Variants in DNAJC13 observed in about 807,000 individuals in gnomAD.
DNAJC13 encodes the protein DnaJ heat shock protein family (Hsp40) member C13.
Under a neutral mutation model 290.5 loss-of-function variants are expected in DNAJC13, and 75 were observed. The observed-to-expected ratio is 0.26, with a 90% confidence interval of 0.21 to 0.31. The LOEUF (loss-of-function observed/expected upper bound fraction) is 0.31, where lower values mean the gene tolerates loss of function less well. DNAJC13 is among the 10% of genes least tolerant of loss of function. The pLI is 1.00. For synonymous variants in DNAJC13, 862 were observed against 892.0 expected, an observed-to-expected ratio of 0.97 and a Z score of 0.60; for missense variants, 2,260 against 2,674.5, an observed-to-expected ratio of 0.85 and a Z score of 3.42.
chr3:132,512,763 C>T (rs951349650), intron 44 of DNAJC13, among the ~76,000 whole-genome samples: 1 of 152,054 alleles, frequency 6.6e-6, no homozygotes, highest in South Asian at 2.1e-4. Flanking sequence ...AAGGTCTTAG[C>T]CTGAGGGTTA....
intron 36 of DNAJC13, among the ~76,000 whole-genome samples, chr3:132,498,807 C>T (rs1576501810): frequency 6.6e-6 from 1 of 152,114 alleles, no homozygotes; most frequent in African/African-American, 2.4e-5. Context: ...GCTCCACCTC[C>T]CGGGTTCACA....
At chr3:132,469,128 T>C (rs937202784) in intron 20 of DNAJC13, among the ~76,000 whole-genome samples, 23 of 152,222 alleles carry the variant, frequency 1.5e-4, no homozygotes, top group African/African-American at 5.3e-4. Context: ...AGAAGATCTT[T>C]TGGTTAGCAT....
At chr3:132,486,798 C>G (rs1313363570) in intron 29 of DNAJC13, among the ~76,000 whole-genome samples, 2 of 152,106 alleles carry the variant, frequency 1.3e-5, no homozygotes, top group Non-Finnish European at 2.9e-5. Flanking sequence ...TCTGATAGAG[C>G]TTCAGAATTT....
chr3:132,453,190 C>G, intron 6 of DNAJC13, 108 bp from the exon 7 acceptor site: 2 of 987,620 alleles, frequency 2.0e-6, no homozygotes, highest in Non-Finnish European at 2.9e-6. Flanking sequence ...ATACCTACCT[C>G]TTTTTTCTCT....
chr3:132,468,974 T>A (rs1412380374), intron 20 of DNAJC13, among the ~76,000 whole-genome samples: 2 of 152,188 alleles, frequency 1.3e-5, no homozygotes, highest in Non-Finnish European at 2.9e-5. Context: ...TAGCTAAAAC[T>A]ATGGATAAAA....
chr3:132,433,726 G>T (rs1008916275), intron 1 of DNAJC13, among the ~76,000 whole-genome samples: 3 of 152,142 alleles, frequency 2.0e-5, no homozygotes, highest in Admixed American at 6.5e-5. Flanking sequence ...GTGTGCCATG[G>T]CATTATTTGG....
chr3:132,471,286 C>T (rs1418318785), intron 20 of DNAJC13, among the ~76,000 whole-genome samples: 4 of 135,796 alleles, frequency 2.9e-5, no homozygotes, highest in South Asian at 2.4e-4. Context: ...GCTGGCCGGT[C>T]GGGGGGGCTG....
intron 7 of DNAJC13, 23 bp from the exon 8 acceptor site, chr3:132,453,576 T>C (rs761262838): frequency 2.5e-6 from 4 of 1,606,474 alleles, no homozygotes; most frequent in African/African-American, 1.3e-5. Context: ...CTTCTTAATA[T>C]GTCTCAATTT....
intron 2 of DNAJC13, among the ~76,000 whole-genome samples, chr3:132,437,238 T>C (rs541472628): frequency 6.6e-6 from 1 of 152,368 alleles, no homozygotes; most frequent in Non-Finnish European, 1.5e-5. Flanking sequence ...GAGTTCTTTA[T>C]ATATTCTGAA....
chr3:132,485,955 A>G (rs945834806), intron 29 of DNAJC13, among the ~76,000 whole-genome samples: 1 of 152,124 alleles, frequency 6.6e-6, no homozygotes, highest in Non-Finnish European at 1.5e-5. Context: ...TCAGTTGTAC[A>G]TTGGTCTGCA....
chr3:132,511,332 G>A, intron 44 of DNAJC13, 88 bp downstream of exon 44: 1 of 1,439,316 alleles, frequency 6.9e-7, no homozygotes, highest in Non-Finnish European at 9.5e-7. Context: ...GGAAACTCAG[G>A]GAAAATTATA....
chr3:132,474,263 T>C (rs1163015572), intron 21 of DNAJC13: 2 of 152,254 alleles, frequency 1.3e-5, no homozygotes, highest in Non-Finnish European at 2.9e-5. Context: ...TTTTTTGAGA[T>C]GGAGTCTCAC....
chr3:132,484,527 G>T, intron 28 of DNAJC13, 61 bp from the exon 29 acceptor site: 1 of 1,491,376 alleles, frequency 6.7e-7, no homozygotes, highest in Non-Finnish European at 9.3e-7. Flanking sequence ...AATGTCGTAT[G>T]CTCTGAACAT....
At chr3:132,476,240 G>GT (rs771226253) in intron 22 of DNAJC13, among the ~76,000 whole-genome samples, 6 of 152,256 alleles carry the variant, frequency 3.9e-5, no homozygotes, top group Admixed American at 2.0e-4. Flanking sequence ...TTGGATATCT[G>GT]ATAAGTATCT....
intron 2 of DNAJC13, among the ~76,000 whole-genome samples, chr3:132,445,896 AAT>A (rs1933230527): frequency 6.6e-6 from 1 of 152,008 alleles, no homozygotes; most frequent in Non-Finnish European, 1.5e-5. Context: ...TTCTCCTTCA[AAT>A]ATGTTACTTG....
chr3:132,441,166 G>C (rs560500912), intron 2 of DNAJC13, among the ~76,000 whole-genome samples: 28 of 152,302 alleles, frequency 1.8e-4, no homozygotes, highest in African/African-American at 6.5e-4. Flanking sequence ...CTAGGAAAAA[G>C]AATTCGAATG....
At chr3:132,466,446 T>A in intron 19 of DNAJC13, 52 bp downstream of exon 19, 1 of 1,387,274 alleles carries the variant, frequency 7.2e-7, no homozygotes, top group Non-Finnish European at 9.6e-7. Context: ...GGTACTGTTA[T>A]ATATATGTCT....
rs1274428566 is a variant in DNAJC13 at position 132,484,602 on chromosome 3, C to A, written c.3197C>A (p.Ala1066Asp). ...GYFPSRDQDNAIIRPLPKVKR... is the reference protein window; with the variant it reads ...GYFPSRDQDNDIIRPLPKVKR... ...ATGTTTTCTAGGGATCAAGACAATG[C>A]CATCATTCGGCCTCTACCCAAAGTG... Residue 1066 changes from alanine to aspartate, a missense_variant, in exon 29 of 56, where the codon GCC becomes GAC. Around this residue, in one of 3 missense-constraint regions of DNAJC13, gnomAD observed 1,494 missense variants for 1,693.7 expected, o/e 0.88. Coordinates refer to ENST00000260818, the MANE Select transcript of DNAJC13 (RefSeq NM_015268.4). 1 of 1,613,886 alleles carries A rather than the reference C, an allele frequency of 6.2e-7. No homozygotes were observed. Among genetic ancestry groups the A allele is most frequent in the Non-Finnish European group, 8.5e-7 (1 of 1,179,846 alleles).
chr3:132,436,674 C>T (rs560543831), intron 2 of DNAJC13, among the ~76,000 whole-genome samples: 50 of 152,240 alleles, frequency 3.3e-4, no homozygotes, highest in Non-Finnish European at 5.9e-4. Context: ...TGCTCCATAT[C>T]CTTATCAACA....
Sources: gnomAD v4.1 joint callset for allele counts (sites outside exome capture counted in the v4.1 genomes callset) on GRCh38, gnomAD v4.1.1 for gene constraint, gnomAD v4.1.1 regional missense constraint, MANE v1.5 for transcripts, NCBI Gene and HGNC (gene_info 2026-07-23, HGNC 2026-07-21) for gene names.